Variants in IRAG1 observed in about 807,000 individuals in gnomAD.
The protein encoded by IRAG1 is IP3R-associated cGMP kinase substrate.
Under a neutral mutation model 106.2 loss-of-function variants are expected in IRAG1, and 62 were observed. The ratio of observed to expected loss-of-function variants is 0.58; its 90% CI spans 0.48 to 0.72. The LOEUF (loss-of-function observed/expected upper bound fraction) is 0.72. Ranked by LOEUF, IRAG1 falls within the 30% of genes least tolerant of loss-of-function variation. IRAG1 has a pLI of 0.00. For missense variants in IRAG1, 1,064 were observed against 1,140.7 expected (o/e 0.93, Z 0.97); for synonymous variants, 462 against 443.9 (o/e 1.04, Z -0.51).
At chr11:10,649,623 C>T (rs915247322) in intron 2 of IRAG1, among the ~76,000 whole-genome samples, 18 of 152,126 alleles carry the variant, frequency 1.2e-4, no homozygotes, top group East Asian at 3.8e-4. Flanking sequence ...CTGGGCTTCT[C>T]GGCTCCCGGC....
At chr11:10,591,089 T>G (rs1564894316) in intron 18 of IRAG1, among the ~76,000 whole-genome samples, 1 of 152,172 alleles carries the variant, frequency 6.6e-6, no homozygotes, top group Non-Finnish European at 1.5e-5. Context: ...TATTGTCCTG[T>G]CTGGAGGGGA....
chr11:10,686,767 C>T (rs899772986), intron 1 of IRAG1, among the ~76,000 whole-genome samples: 3 of 152,182 alleles, frequency 2.0e-5, no homozygotes, highest in African/African-American at 7.2e-5. Flanking sequence ...TACTATCCTC[C>T]TTGAATCAGT....
chr11:10,610,508 A>C (rs1183266115), intron 10 of IRAG1, among the ~76,000 whole-genome samples: 1 of 152,138 alleles, frequency 6.6e-6, no homozygotes, highest in East Asian at 1.9e-4. Context: ...TTTTCCATAA[A>C]TCTTTCTCCT....
At chr11:10,646,827 G>A (rs1857988241) in intron 2 of IRAG1, among the ~76,000 whole-genome samples, 1 of 152,176 alleles carries the variant, frequency 6.6e-6, no homozygotes, top group South Asian at 2.1e-4. Context: ...TAGCATGGTG[G>A]CCTGTGTTTC....
chr11:10,637,089 C>A (rs906652341), intron 2 of IRAG1, among the ~76,000 whole-genome samples: 8 of 152,202 alleles, frequency 5.3e-5, no homozygotes, highest in Admixed American at 1.3e-4. Flanking sequence ...AACTTAACTA[C>A]CCAAAGGGAA....
At position 10,626,355 on chromosome 11, in the gene IRAG1, C is replaced by T. The variant is rs1564914698; in HGVS notation, c.979G>A (p.Glu327Lys). 1.2e-6 allele frequency: 2 copies of T among 1,613,772 alleles called. No homozygotes were observed. The highest frequency in any genetic ancestry group is 8.5e-7 in the Non-Finnish European group (1 of 1,179,798). Reference protein sequence around the residue: ...ALNSPQPGPVESELGKQLLKT... With the variant: ...ALNSPQPGPVKSELGKQLLKT... ...AAGAGCTGCTTCCCCAGCTCGCTCT[C>T]CACGGGGCCAGGCTGAGGGCTGTTC... The change falls in exon 9 of 21, where the codon GAG becomes AAG. Residue 327 changes from glutamate to lysine, a missense_variant. Glu to Lys is a moderately conservative substitution (Grantham distance 56). Transcript: ENST00000423302.
intron 18 of IRAG1, among the ~76,000 whole-genome samples, chr11:10,584,438 C>A (rs1851711543): frequency 6.6e-6 from 1 of 151,844 alleles, no homozygotes; most frequent in Non-Finnish European, 1.5e-5. Context: ...TATCCACTCC[C>A]TTCCATGTGA....
In IRAG1 at chr11:10,628,664, GGCTGGGAGGCAT is replaced by G; in HGVS notation, c.652+75_652+86del. On this transcript the variant is annotated intron_variant, in intron 6 of 20. Transcript: ENST00000423302. This position sits in a 1 kb window ranked among gnomAD's most constrained non-coding sequence, Gnocchi z 4.1. ...AGAGTTCTTGAAGGGGAAGCCTGCA[GGCTGGGAGGCAT>G]GCTGATCTGTCCAGGCTGAGCTGCC... 1 of 1,124,196 alleles carries G rather than the reference GGCTGGGAGGCAT, an allele frequency of 8.9e-7. No homozygotes were observed. Among genetic ancestry groups the G allele is most frequent in the Non-Finnish European group, 1.2e-6 (1 of 812,692 alleles). The allele number at this position is 1,124,196 out of a possible 1,614,324, so 69.6% of individuals were successfully genotyped here. A position where few individuals can be genotyped will look rare whatever the true frequency, so the allele number is the denominator to read the frequency against.
intron 10 of IRAG1, among the ~76,000 whole-genome samples, chr11:10,621,985 G>A (rs1420474266): frequency 1.3e-5 from 2 of 152,106 alleles, no homozygotes; most frequent in Non-Finnish European, 2.9e-5. Flanking sequence ...TAATGAGTAT[G>A]GCATTTCAGT....
chr11:10,677,417 T>C (rs1564940728), intron 1 of IRAG1, among the ~76,000 whole-genome samples: 1 of 152,112 alleles, frequency 6.6e-6, no homozygotes, highest in Non-Finnish European at 1.5e-5. Flanking sequence ...TCTTACTCCT[T>C]TCAGGATCCC....
Position 10,594,020 on chromosome 11 carries a change from G to A in IRAG1, c.2067+126C>T, listed in dbSNP as rs375476040. The A allele has an allele frequency of 9.4e-5, 86 of 915,052 alleles. No homozygotes were observed. The African/African-American group carries it at 9.9e-4, about 10-fold the overall frequency. 56.7% of individuals were successfully genotyped at this position (915,052 alleles called of 1,614,324 possible). A position where few individuals can be genotyped will look rare whatever the true frequency, so the allele number is the denominator to read the frequency against. On this transcript the variant is annotated intron_variant, in intron 16 of 20. Transcript: ENST00000423302. ...GCTAAACTTGAGAGTGTGGAAAGCC[G>A]AATAGAAACTCTGTTCAGAGATTCT... is the stretch of plus-strand genomic sequence containing the variant.
chr11:10,685,661 C>CA (rs373393939), intron 1 of IRAG1, among the ~76,000 whole-genome samples: 22 of 149,336 alleles, frequency 1.5e-4, no homozygotes, highest in African/African-American at 5.4e-4. Flanking sequence ...GTCAAGCCTG[C>CA]AAGTCAGCTG....
At chr11:10,636,607 T>C (rs1038617509) in intron 2 of IRAG1, among the ~76,000 whole-genome samples, 1 of 152,140 alleles carries the variant, frequency 6.6e-6, no homozygotes, top group Non-Finnish European at 1.5e-5. Context: ...CAAAAGCAAC[T>C]TGAGATATGA....
chr11:10,684,680 G>T (rs914130053), intron 1 of IRAG1, among the ~76,000 whole-genome samples: 3 of 151,222 alleles, frequency 2.0e-5, no homozygotes, highest in African/African-American at 7.3e-5. Context: ...CTGCTGCTGG[G>T]ATCTGAAAGC....
intron 2 of IRAG1, among the ~76,000 whole-genome samples, chr11:10,635,156 T>C (rs1857052594): frequency 6.6e-6 from 1 of 152,194 alleles, no homozygotes; most frequent in Non-Finnish European, 1.5e-5. Context: ...TCCACGACAG[T>C]CCTACCTTTG....
intron 2 of IRAG1, among the ~76,000 whole-genome samples, chr11:10,645,981 T>C (rs561155936): frequency 6.6e-6 from 1 of 152,344 alleles, no homozygotes; most frequent in East Asian, 1.9e-4. Flanking sequence ...TAACTCTTAG[T>C]TTCTAGATGA....
intron 10 of IRAG1, among the ~76,000 whole-genome samples, chr11:10,620,930 A>AC (rs1300806503): frequency 7.9e-5 from 12 of 152,230 alleles, no homozygotes; most frequent in African/African-American, 2.9e-4. Flanking sequence ...GGAACTATGC[A>AC]CCCATTAAAT....
chr11:10,672,340 T>A (rs948262059), intron 1 of IRAG1, among the ~76,000 whole-genome samples: 4 of 152,204 alleles, frequency 2.6e-5, no homozygotes, highest in African/African-American at 9.6e-5. Flanking sequence ...GTAAATAAAT[T>A]GGACTTCATC....
chr11:10,614,595 T>TA (rs1240286740), intron 10 of IRAG1, among the ~76,000 whole-genome samples: 1 of 152,082 alleles, frequency 6.6e-6, no homozygotes, highest in Admixed American at 6.6e-5. Context: ...AAAACAGAGA[T>TA]ATAGACCAAT....
Sources: allele counts gnomAD v4.1 joint callset (sites outside exome capture counted in the v4.1 genomes callset), GRCh38; gene constraint gnomAD v4.1.1; non-coding constraint Gnocchi (gnomAD v3.1); transcripts MANE v1.5; gene names NCBI Gene and HGNC (gene_info 2026-07-23, HGNC 2026-07-21).